Variants in UMAD1 observed in about 807,000 individuals in gnomAD.
UMAD1 encodes the protein UBAP1-MVB12-associated (UMA)-domain containing protein 1.
A neutral mutation model predicts 6.1 loss-of-function variants in UMAD1; 8 were observed. The ratio of observed to expected loss-of-function variants is 1.30; its 90% CI spans 0.76 to 2.35. The LOEUF (loss-of-function observed/expected upper bound fraction) is 2.35, where lower values mean the gene tolerates loss of function less well. Ranked by LOEUF, UMAD1 falls within the 30% of genes most tolerant of loss-of-function variation. The pLI, the probability that UMAD1 is intolerant of heterozygous loss-of-function variation, is 0.00. For missense variants in UMAD1, 130 were observed against 78.4 expected (o/e 1.66, Z -2.49); for synonymous variants, 56 against 31.4 (o/e 1.78, Z -2.61).
chr7:7,871,724 T>C (rs1784336170), intron 3 of UMAD1, among the ~76,000 whole-genome samples: 1 of 152,132 alleles, frequency 6.6e-6, no homozygotes, highest in Non-Finnish European at 1.5e-5. Flanking sequence ...TCAGGTCAGA[T>C]GGCAGTTTTA....
chr7:7,719,222 T>C (rs1264862092), intron 2 of UMAD1, among the ~76,000 whole-genome samples: 2 of 152,196 alleles, frequency 1.3e-5, no homozygotes, highest in African/African-American at 4.8e-5. Context: ...TAGGAGAGGA[T>C]AACAAATGTG....
At chr7:7,704,766 CAAAAAAAAAAAAAAA>C (rs71011001) in intron 2 of UMAD1, among the ~76,000 whole-genome samples, 3 of 17,826 alleles carry the variant, frequency 1.7e-4, no homozygotes, top group African/African-American at 6.3e-4. Flanking sequence ...GACTCCATCT[CAAAAAAAAAAAAAAA>C]AAAAAAAAAA....
In UMAD1 at chr7:7,674,095, C is replaced by G. The variant is rs116851827; in HGVS notation, c.82+642C>G. ...TCTTTGTATGCTCTTCCCAGAAATT[C>G]TCTTTCCAAAGTATGGTGTGGGGTA... On this transcript the variant is annotated intron_variant, in intron 2 of 3. Coordinates refer to ENST00000682710, the MANE Select transcript of UMAD1 (RefSeq NM_001302348.2). Among the ~76,000 whole-genome samples, 46 of 152,286 alleles carry G rather than the reference C, an allele frequency of 3.0e-4. No homozygotes were observed. The East Asian group carries it at 8.5e-3, about 28-fold the overall frequency.
At chr7:7,866,865 G>T (rs542137207) in intron 3 of UMAD1, among the ~76,000 whole-genome samples, 1 of 152,256 alleles carries the variant, frequency 6.6e-6, no homozygotes, top group South Asian at 2.1e-4. Context: ...GGGTAGTAAA[G>T]CTGTACATGG....
intron 3 of UMAD1, among the ~76,000 whole-genome samples, chr7:7,874,754 C>T (rs1784386567): frequency 6.6e-6 from 1 of 152,216 alleles, no homozygotes; most frequent in South Asian, 2.1e-4. Context: ...AAAAACAAAA[C>T]CAGGTAAAAC....
At chr7:7,833,935 C>T (rs1421021817) in intron 3 of UMAD1, among the ~76,000 whole-genome samples, 2 of 151,898 alleles carry the variant, frequency 1.3e-5, no homozygotes, top group Non-Finnish European at 2.9e-5. Context: ...AAGGAGATTC[C>T]GTGGGTAACC....
chr7:7,660,506 A>C (rs1052457026), intron 1 of UMAD1, among the ~76,000 whole-genome samples: 1 of 152,192 alleles, frequency 6.6e-6, no homozygotes. Context: ...CATGGTGACA[A>C]AATCTCTCAG....
intron 2 of UMAD1, among the ~76,000 whole-genome samples, chr7:7,767,180 A>G (rs568791728): frequency 9.0e-5 from 13 of 144,134 alleles, no homozygotes; most frequent in African/African-American, 3.3e-4. Context: ...GCTGGAGTGC[A>G]GTGGCACAAT....
intron 2 of UMAD1, among the ~76,000 whole-genome samples, chr7:7,795,177 C>T (rs149937274): frequency 9.8e-5 from 15 of 152,302 alleles, no homozygotes; most frequent in African/African-American, 2.6e-4. Flanking sequence ...GTAACCTGAC[C>T]GTCTCAGGCA....
At chr7:7,814,087 G>A (rs766213775) in intron 3 of UMAD1, among the ~76,000 whole-genome samples, 2 of 151,982 alleles carry the variant, frequency 1.3e-5, no homozygotes, top group Admixed American at 6.6e-5. Flanking sequence ...AGGTTCAAGC[G>A]ATTCTCCTGC....
intron 2 of UMAD1, among the ~76,000 whole-genome samples, chr7:7,729,233 G>A (rs1332739010): frequency 6.6e-6 from 1 of 152,202 alleles, no homozygotes; most frequent in Non-Finnish European, 1.5e-5. Context: ...GAGCCAGGAT[G>A]GAGCATGGAA....
intron 3 of UMAD1, among the ~76,000 whole-genome samples, chr7:7,813,997 T>TG (rs1408975990): frequency 6.6e-6 from 1 of 152,244 alleles, no homozygotes; most frequent in Admixed American, 6.5e-5. Flanking sequence ...TTTATTTTTT[T>TG]TTTTTGAGAC....
At chr7:7,694,634 G>T (rs916888658) in intron 2 of UMAD1, among the ~76,000 whole-genome samples, 8 of 150,838 alleles carry the variant, frequency 5.3e-5, no homozygotes, top group Non-Finnish European at 8.8e-5. Flanking sequence ...GTGAGAATAT[G>T]TGAAGTTTAT....
At chr7:7,708,592 AC>A (rs1780668201) in intron 2 of UMAD1, among the ~76,000 whole-genome samples, 1 of 152,198 alleles carries the variant, frequency 6.6e-6, no homozygotes, top group Non-Finnish European at 1.5e-5. Context: ...AAATAAGTCA[AC>A]ATATTTGTCC....
At position 7,760,412 on chromosome 7, in the gene UMAD1, AAATAATAAT is replaced by A. The variant is rs71014709; in HGVS notation, c.83-41224_83-41216del. ...TCTACTAAAAATACAAAAAAATACAAAATAATAATAATAATAATAATAATAATAATAATA... is the reference window on the plus strand; with the variant it reads ...TCTACTAAAAATACAAAAAAATACAAAATAATAATAATAATAATAATAATA... On this transcript the variant is annotated intron_variant, in intron 2 of 3. Transcript: ENST00000682710. 6.9e-3 allele frequency among the ~76,000 whole-genome samples: 979 copies of A among 142,690 alleles called. 10 individuals carry two copies. The highest frequency in any genetic ancestry group is 0.013 in the African/African-American group (521 of 39,038). The allele number at this position is 142,690 out of a possible 152,430, so 93.6% of individuals were successfully genotyped here. A position where few individuals can be genotyped will look rare whatever the true frequency, so the allele number is the denominator to read the frequency against.
Position 7,704,766 on chromosome 7 carries a change from C to CAAAAAA in UMAD1, c.82+31335_82+31340dup, listed in dbSNP as rs71011001. ...TGGGTGACAGAGCGAGACTCCATCT[C>CAAAAAA]AAAAAAAAAAAAAAAAAAAAAAAAA... On this transcript the variant is annotated intron_variant, in intron 2 of 3. Transcript: ENST00000682710. 1.9e-3 allele frequency among the ~76,000 whole-genome samples: 34 copies of CAAAAAA among 17,850 alleles called. 6 individuals carry two copies. Among genetic ancestry groups the CAAAAAA allele is most frequent in the East Asian group, 0.011 (4 of 354 alleles). 11.7% of individuals were successfully genotyped at this position (17,850 alleles called of 152,430 possible).
chr7:7,648,912 A>G (rs12669683), intron 1 of UMAD1, among the ~76,000 whole-genome samples: 46,607 of 151,746 alleles, frequency 0.31, 9,091 homozygotes, highest in East Asian at 0.8. Flanking sequence ...TAATCCCAGC[A>G]CTTTGGGAGG....
At chr7:7,673,201 T>C in intron 1 of UMAD1, 108 bp from the exon 2 acceptor site, 1 of 761,016 alleles carries the variant, frequency 1.3e-6, no homozygotes. Flanking sequence ...GGCCATAGAA[T>C]TCCTAAGAGT....
At chr7:7,688,301 G>C (rs1362860785) in intron 2 of UMAD1, among the ~76,000 whole-genome samples, 2 of 152,172 alleles carry the variant, frequency 1.3e-5, no homozygotes, top group African/African-American at 2.4e-5. Context: ...GAGAGTTGTT[G>C]TCAGGTGGGG....
Sources: allele counts gnomAD v4.1 joint callset (sites outside exome capture counted in the v4.1 genomes callset), GRCh38; gene constraint gnomAD v4.1.1; transcripts MANE v1.5; gene names NCBI Gene and HGNC (gene_info 2026-07-23, HGNC 2026-07-21).